The following KCNMA1 variants were observed in gnomAD, a reference collection of about 807,000 sequenced individuals.
KCNMA1 encodes potassium calcium-activated channel subfamily M alpha 1.
In KCNMA1, 29 loss-of-function variants were observed where a neutral mutation model predicts 140.0. The ratio of observed to expected loss-of-function variants is 0.21; its 90% CI spans 0.15 to 0.28. KCNMA1 has a LOEUF of 0.28. KCNMA1 is among the 10% of genes least tolerant of loss of function. KCNMA1 has a pLI of 1.00. For missense variants in KCNMA1, 880 were observed against 1,602.2 expected, an observed-to-expected ratio of 0.55 and a Z score of 7.70; for synonymous variants, 612 against 611.9, an observed-to-expected ratio of 1.00 and a Z score of 0.00.
At chr10:77,254,611 G>C (rs1174819480) in intron 2 of KCNMA1, among the ~76,000 whole-genome samples, 1 of 152,228 alleles carries the variant, frequency 6.6e-6, no homozygotes, top group Non-Finnish European at 1.5e-5. Context: ...TACAGGTTTA[G>C]CCAATATAAA....
intron 1 of KCNMA1, among the ~76,000 whole-genome samples, chr10:77,609,118 C>A (rs2085710595): frequency 2.0e-5 from 3 of 152,228 alleles, no homozygotes; most frequent in Non-Finnish European, 2.9e-5. Flanking sequence ...GAAATGAAAT[C>A]AGTACGTCAA....
intron 19 of KCNMA1, chr10:76,977,652 CA>C (rs759563847): frequency 1.2e-4 from 84 of 702,730 alleles, no homozygotes; most frequent in Admixed American, 1.0e-4. Context: ...CCAAGACAGC[CA>C]AATAACAAAA....
At position 77,035,019 on chromosome 10, in the gene KCNMA1, TG is replaced by T. The variant is rs2094221221; in HGVS notation, c.1859+4508del. ...CCCCTCCCCTCCCCTCTGCCCTCCC[TG>T]GGGGTAGGGGAGTGCACCCTCGCTT... On this transcript the variant is annotated intron_variant, in intron 15 of 27. Coordinates refer to ENST00000286628, the MANE Select transcript of KCNMA1 (RefSeq NM_001161352.2). Among the ~76,000 whole-genome samples the T allele has an allele frequency of 2.6e-5, 4 of 152,258 alleles. No homozygotes were observed. In the South Asian group the frequency reaches 8.3e-4, roughly 32 times the overall value.
At chr10:76,920,786 T>C (rs2055428822) in intron 23 of KCNMA1, among the ~76,000 whole-genome samples, 1 of 152,226 alleles carries the variant, frequency 6.6e-6, no homozygotes, top group Admixed American at 6.5e-5. Context: ...GGCCTTCTCC[T>C]TCTAGGTACT....
At chr10:77,602,359 C>T (rs1006459380) in intron 1 of KCNMA1, among the ~76,000 whole-genome samples, 9 of 152,102 alleles carry the variant, frequency 5.9e-5, no homozygotes, top group Non-Finnish European at 1.2e-4. Context: ...GGGGCAAATC[C>T]GTACAGACAG....
At chr10:77,533,367 T>C (rs1328634534) in intron 1 of KCNMA1, among the ~76,000 whole-genome samples, 3 of 152,206 alleles carry the variant, frequency 2.0e-5, no homozygotes, top group Non-Finnish European at 4.4e-5. Context: ...GCTCCGGGTC[T>C]AGTTTCCCTT....
intron 1 of KCNMA1, among the ~76,000 whole-genome samples, chr10:77,598,234 G>A (rs896903652): frequency 1.3e-5 from 2 of 152,184 alleles, no homozygotes; most frequent in Non-Finnish European, 2.9e-5. Context: ...GCCTCCCAAA[G>A]TGCTGGGATT....
At chr10:77,434,906 C>T (rs1403174281) in intron 1 of KCNMA1, among the ~76,000 whole-genome samples, 1 of 152,176 alleles carries the variant, frequency 6.6e-6, no homozygotes, top group East Asian at 1.9e-4. Flanking sequence ...GACTCCTATG[C>T]TATTCACTAA....
rs144215383 is a variant in KCNMA1 at position 77,403,989 on chromosome 10, G to T, written c.413C>A (p.Ala138Glu). 1 of 1,614,106 alleles carries T rather than the reference G, an allele frequency of 6.2e-7. No homozygotes were observed. The highest frequency in any genetic ancestry group is 8.5e-7 in the Non-Finnish European group (1 of 1,180,020). ...AQKINNGSSQADGTLKPVDEK... is the reference protein window; with the variant it reads ...AQKINNGSSQEDGTLKPVDEK... The stretch of plus-strand genomic sequence containing the variant: ...ATCCACTGGTTTGAGAGTGCCATCC[G>T]CCTGGCTTGAGCCATTGTTAATCTT... Residue 138 changes from alanine (A) to glutamate (E), a missense_variant, in exon 2 of 28, where the codon GCG becomes GAG. This residue lies in a region of KCNMA1 where 54 missense variants were observed against 56.4 expected (regional missense o/e 0.96). Coordinates refer to ENST00000286628, the MANE Select transcript of KCNMA1 (RefSeq NM_001161352.2).
intron 2 of KCNMA1, among the ~76,000 whole-genome samples, chr10:77,257,566 T>A (rs1229144259): frequency 6.6e-6 from 1 of 152,162 alleles, no homozygotes. Flanking sequence ...ACATTCCAAG[T>A]CCACCTGGCT....
chr10:76,948,271 G>T (rs922318249), intron 22 of KCNMA1, among the ~76,000 whole-genome samples: 3 of 152,158 alleles, frequency 2.0e-5, no homozygotes, highest in Admixed American at 6.5e-5. Flanking sequence ...ATCCCAAAAT[G>T]CAGGGATTAC....
At chr10:76,984,830 G>A (rs1018333142) in intron 19 of KCNMA1, among the ~76,000 whole-genome samples, 1 of 152,176 alleles carries the variant, frequency 6.6e-6, no homozygotes, top group African/African-American at 2.4e-5. Context: ...CTTAGCAATT[G>A]AGGGGCATTG....
chr10:76,917,247 G>C (rs187525196), intron 23 of KCNMA1, among the ~76,000 whole-genome samples: 1 of 152,096 alleles, frequency 6.6e-6, no homozygotes, highest in African/African-American at 2.4e-5. Context: ...ACCTTAAATC[G>C]GTAATGCTAT....
chr10:77,550,781 C>A (rs2062639860), intron 1 of KCNMA1, among the ~76,000 whole-genome samples: 2 of 152,142 alleles, frequency 1.3e-5, no homozygotes, highest in South Asian at 4.1e-4. Flanking sequence ...ATGCTAGAAG[C>A]AGTGTGAAAA....
intron 2 of KCNMA1, among the ~76,000 whole-genome samples, 171 bp downstream of exon 2, chr10:77,403,691 C>T (rs1446582802): frequency 6.6e-6 from 1 of 152,174 alleles, no homozygotes; most frequent in Non-Finnish European, 1.5e-5. Context: ...CCACTGTACA[C>T]AAGGAACCGA....
At chr10:77,318,111 G>A (rs1226634470) in intron 2 of KCNMA1, among the ~76,000 whole-genome samples, 2 of 152,156 alleles carry the variant, frequency 1.3e-5, no homozygotes, top group Non-Finnish European at 2.9e-5. Flanking sequence ...TAGGCTCAGT[G>A]ATGGAGGTAC....
chr10:77,148,182 G>T (rs2154045267), intron 5 of KCNMA1: 1 of 152,210 alleles, frequency 6.6e-6, no homozygotes. Context: ...TGTCACCTAT[G>T]GCAAGAGAGA....
At chr10:77,432,078 A>C (rs1190521646) in intron 1 of KCNMA1, among the ~76,000 whole-genome samples, 1 of 151,834 alleles carries the variant, frequency 6.6e-6, no homozygotes, top group African/African-American at 2.4e-5. Context: ...AGCCTCTCAC[A>C]CCTGCAGGAC....
rs111332131 is a variant in KCNMA1, at chr10:76,952,494, C to T, written c.2484+1307G>A. Reference sequence around the variant, plus strand: ...GATAGGGCTCTGCACTCCAGCCTGGCGACAGAGCGAGACTCTGTCTCAAAA... The same window carrying T: ...GATAGGGCTCTGCACTCCAGCCTGGTGACAGAGCGAGACTCTGTCTCAAAA... On this transcript the variant is annotated intron_variant, in intron 21 of 27. Transcript: ENST00000286628. Among the ~76,000 whole-genome samples the T allele has an allele frequency of 0.012, 1,897 of 152,134 alleles. 45 individuals carry two copies. The highest frequency in any genetic ancestry group is 0.043 in the African/African-American group (1,805 of 41,496).
Sources: allele counts gnomAD v4.1 joint callset (sites outside exome capture counted in the v4.1 genomes callset), GRCh38; gene constraint gnomAD v4.1.1; regional missense constraint gnomAD v4.1.1; transcripts MANE v1.5; gene names NCBI Gene and HGNC (gene_info 2026-07-23, HGNC 2026-07-21).